The following RGS4 variants were observed in gnomAD, a reference collection of about 807,000 sequenced individuals.
RGS4 encodes regulator of G protein signaling 4, also known as schizophrenia disorder 9.
Under a neutral mutation model 21.6 loss-of-function variants are expected in RGS4, and 15 were observed. The ratio of observed to expected loss-of-function variants is 0.69; its 90% CI spans 0.46 to 1.07. The LOEUF (loss-of-function observed/expected upper bound fraction) is 1.07. Ranked by LOEUF, RGS4 falls within the 50% of genes least tolerant of loss-of-function variation. The pLI, the probability that RGS4 is intolerant of heterozygous loss-of-function variation, is 0.00. For missense variants in RGS4, 237 were observed against 239.0 expected (o/e 0.99, Z 0.06); for synonymous variants, 94 against 85.5 (o/e 1.10, Z -0.55).
chr1:163,074,683 C>A lies in RGS4; in HGVS notation c.*123C>A. The A allele has an allele frequency of 1.4e-6, 2 of 1,395,346 alleles. No homozygotes were observed. The highest frequency in any genetic ancestry group is 2.0e-6 in the Non-Finnish European group (2 of 989,790). 86.4% of individuals were successfully genotyped at this position (1,395,346 alleles called of 1,614,324 possible). A position where few individuals can be genotyped will look rare whatever the true frequency, so the allele number is the denominator to read the frequency against. On this transcript the variant is annotated 3_prime_UTR_variant, in exon 5 of 5. Coordinates refer to ENST00000367909, the MANE Select transcript of RGS4 (RefSeq NM_005613.6). The stretch of plus-strand genomic sequence containing the variant: ...ACATTGTAGCCTAATATTCATGCTG[C>A]CTGCCATGTGTGAGTCACTTCTACG...
chr1:163,069,012 C>G (rs751078752), upstream of RGS4: 28 of 1,595,860 alleles, frequency 1.8e-5, no homozygotes, highest in East Asian at 6.3e-4. Flanking sequence ...AGAATTCCTG[C>G]TGGTACTTTT....
At chr1:163,073,042 T>C (rs1240168405) in intron 3 of RGS4, among the ~76,000 whole-genome samples, 176 bp downstream of exon 3, 2 of 152,154 alleles carry the variant, frequency 1.3e-5, no homozygotes, top group African/African-American at 4.8e-5. Context: ...CTTTGTGATA[T>C]ACAATGAAAA....
Position 163,074,659 on chromosome 1 carries a change from C to A in RGS4, c.*99C>A. On this transcript the variant is annotated 3_prime_UTR_variant, in exon 5 of 5. Coordinates refer to ENST00000367909, the MANE Select transcript of RGS4 (RefSeq NM_005613.6). The stretch of plus-strand genomic sequence containing the variant: ...GTATTAAGCTCCAGTGCTTTATCCA[C>A]ATTGTAGCCTAATATTCATGCTGCC... 6.6e-7 allele frequency: 1 copy of A among 1,525,274 alleles called. No homozygotes were observed. The highest frequency in any genetic ancestry group is 9.1e-7 in the Non-Finnish European group (1 of 1,102,348). The allele number at this position is 1,525,274 out of a possible 1,614,324, so 94.5% of individuals were successfully genotyped here. A position where few individuals can be genotyped will look rare whatever the true frequency, so the allele number is the denominator to read the frequency against.
Position 163,074,985 on chromosome 1 carries a change from A to C in RGS4, c.*425A>C, listed in dbSNP as rs1311353103. The stretch of plus-strand genomic sequence containing the variant: ...CTAGATGTTTAGATGAGGTTGAGCT[A>C]TGATATGTGCTTGTGTGTATGTCTA... On this transcript the variant is annotated 3_prime_UTR_variant, in exon 5 of 5. Coordinates refer to ENST00000367909, the MANE Select transcript of RGS4 (RefSeq NM_005613.6). 1 of 447,604 alleles carries C rather than the reference A, an allele frequency of 2.2e-6. No individual in the cohort carries two copies. The highest frequency in any genetic ancestry group is 2.0e-5 in the African/African-American group (1 of 50,820). 27.7% of individuals were successfully genotyped at this position (447,604 alleles called of 1,614,324 possible). A position where few individuals can be genotyped will look rare whatever the true frequency, so the allele number is the denominator to read the frequency against.
At position 163,074,595 on chromosome 1, in the gene RGS4, ACT is replaced by A. The variant is rs1655436547; in HGVS notation, c.*38_*39del. 3 of 1,613,506 alleles carry A rather than the reference ACT, an allele frequency of 1.9e-6. No individual in the cohort carries two copies. Among genetic ancestry groups the A allele is most frequent in the Non-Finnish European group, 2.5e-6 (3 of 1,179,820 alleles). ...GAAGGCAGAGGGATGAAATGCCAAG[ACT>A]CTATGCTCTGGAAAACCTGAGGCCA... On this transcript the variant is annotated 3_prime_UTR_variant, in exon 5 of 5. Coordinates refer to ENST00000367909, the MANE Select transcript of RGS4 (RefSeq NM_005613.6).
chr1:163,072,002 TC>T, intron 1 of RGS4: 4 of 989,822 alleles, frequency 4.0e-6, no homozygotes, highest in Non-Finnish European at 3.6e-6. Context: ...AGGATGTGCA[TC>T]TTTTGCCGCT....
At chr1:163,071,290 T>C (rs1028444328) in intron 1 of RGS4, among the ~76,000 whole-genome samples, 2 of 152,100 alleles carry the variant, frequency 1.3e-5, no homozygotes, top group African/African-American at 4.8e-5. Context: ...TCAGAGAACA[T>C]AATGGAATTC....
chr1:163,076,137 GC>G lies in RGS4; in HGVS notation c.*1580del, dbSNP rs2102346948. On this transcript the variant is annotated 3_prime_UTR_variant, in exon 5 of 5. Coordinates refer to ENST00000367909, the MANE Select transcript of RGS4 (RefSeq NM_005613.6). Reference sequence around the variant, plus strand: ...GATATCACCTGAATTATTAATGAATGCCCAGGAAGTAATTTTCTTCTCATTC... The same window carrying G: ...GATATCACCTGAATTATTAATGAATGCCAGGAAGTAATTTTCTTCTCATTC... The G allele has an allele frequency of 6.6e-6, 1 of 152,624 alleles. No homozygotes were observed. The highest frequency in any genetic ancestry group is 1.9e-4 in the East Asian group (1 of 5,178). 9.5% of individuals were successfully genotyped at this position (152,624 alleles called of 1,614,324 possible).
chr1:163,072,911 A>C (rs200700353), intron 3 of RGS4, 45 bp downstream of exon 3: 1 of 1,514,116 alleles, frequency 6.6e-7, no homozygotes, highest in East Asian at 2.3e-5. Context: ...GGATAAGACA[A>C]GTTATATTAT....
intron 3 of RGS4, 88 bp from the exon 4 acceptor site, chr1:163,073,368 C>A: frequency 9.3e-7 from 1 of 1,071,786 alleles, no homozygotes; most frequent in Non-Finnish European, 1.3e-6. Context: ...ATGCTTTATC[C>A]CCCAAGTACC....
chr1:163,073,017 T>A (rs920590611), intron 3 of RGS4, 151 bp downstream of exon 3: 3 of 627,174 alleles, frequency 4.8e-6, no homozygotes, highest in African/African-American at 1.8e-5. Flanking sequence ...TTTAAAATTT[T>A]AATATGCCCT....
Position 163,069,516 on chromosome 1 carries a change from C to G in RGS4, c.32C>G (p.Ser11Cys). The change falls in exon 1 of 5, where the codon TCT becomes TGT. Residue 11 changes from serine to cysteine, a missense_variant. Physicochemically the swap from Ser to Cys is moderately radical, Grantham distance 112. Coordinates refer to ENST00000367909, the MANE Select transcript of RGS4 (RefSeq NM_005613.6). MCKGLAGLPA[S>C]CLRSAKDMKH... Reference sequence around the variant, plus strand: ...AAAGGGCTTGCAGGTCTGCCGGCTTCTTGCTTGAGGAGGTAAGATTGCTTT... The same window carrying G: ...AAAGGGCTTGCAGGTCTGCCGGCTTGTTGCTTGAGGAGGTAAGATTGCTTT... 4.3e-6 allele frequency: 7 copies of G among 1,613,330 alleles called. No individual in the cohort carries two copies. Among genetic ancestry groups the G allele is most frequent in the Non-Finnish European group, 5.9e-6 (7 of 1,179,602 alleles).
chr1:163,069,351 G>A (rs780427687), upstream of RGS4: 3 of 1,555,816 alleles, frequency 1.9e-6, no homozygotes, highest in South Asian at 2.4e-5. Context: ...ACCCCTACAG[G>A]CTTAGCAGGA....
Position 163,076,486 on chromosome 1 carries a change from AT to A in RGS4, c.*1928del, listed in dbSNP as rs1655505795. 1 of 152,580 alleles carries A rather than the reference AT, an allele frequency of 6.6e-6. No individual in the cohort carries two copies. Among genetic ancestry groups the A allele is most frequent in the South Asian group, 2.1e-4 (1 of 4,830 alleles). 9.5% of individuals were successfully genotyped at this position (152,580 alleles called of 1,614,324 possible). On this transcript the variant is annotated 3_prime_UTR_variant, in exon 5 of 5. Transcript: ENST00000367909. The stretch of plus-strand genomic sequence containing the variant: ...TGTGTAACTTTATTGGTCTTGCCCT[AT>A]TATAATTGTCATGACTTTCAGATTG...
In RGS4 at chr1:163,074,316, C is replaced by T; in HGVS notation, c.379-5C>T. ...TCTAATGAAGCCTTGGCCTTTGCCCCTCAGGTGAACCTGGATTCTTGCACC... is the reference window on the plus strand; with the variant it reads ...TCTAATGAAGCCTTGGCCTTTGCCCTTCAGGTGAACCTGGATTCTTGCACC... On this transcript the variant is annotated splice_region_variant and splice_polypyrimidine_tract_variant and intron_variant, in intron 4 of 4. Coordinates refer to ENST00000367909, the MANE Select transcript of RGS4 (RefSeq NM_005613.6). 1 of 1,613,644 alleles carries T rather than the reference C, an allele frequency of 6.2e-7. No individual in the cohort carries two copies. Among genetic ancestry groups the T allele is most frequent in the South Asian group, 1.1e-5 (1 of 91,060 alleles).
At chr1:163,073,764 G>A (rs1338372449) in intron 4 of RGS4, 142 bp downstream of exon 4, 1 of 577,392 alleles carries the variant, frequency 1.7e-6, no homozygotes, top group African/African-American at 1.9e-5. Context: ...TCTACGTGTT[G>A]AGAACATTCC....
chr1:163,074,873 CAGTTTTACCT>C lies in RGS4; in HGVS notation c.*314_*323del, dbSNP rs1655446196. 23 of 597,490 alleles carry C rather than the reference CAGTTTTACCT, an allele frequency of 3.8e-5. No individual in the cohort carries two copies. The highest frequency in any genetic ancestry group is 1.8e-4 in the Admixed American group (6 of 33,822). 37.0% of individuals were successfully genotyped at this position (597,490 alleles called of 1,614,324 possible). On this transcript the variant is annotated 3_prime_UTR_variant, in exon 5 of 5. Coordinates refer to ENST00000367909, the MANE Select transcript of RGS4 (RefSeq NM_005613.6). ...ATTGTTGGCAGTTTCCTCCTCCCAA[CAGTTTTACCT>C]CGGGATGGTTGGTTAGTGCATGTCA...
chr1:163,069,248 T>TTCCCTCC, upstream of RGS4: 2 of 1,547,336 alleles, frequency 1.3e-6, no homozygotes, highest in Non-Finnish European at 8.7e-7. Context: ...CTCATCTCTT[T>TTCCCTCC]CAGGGGCTGG....
In RGS4 at chr1:163,073,501, A is replaced by G; in HGVS notation, c.257A>G (p.Glu86Gly). 1.2e-6 allele frequency: 2 copies of G among 1,605,540 alleles called. No individual in the cohort carries two copies. Among genetic ancestry groups the G allele is most frequent in the Non-Finnish European group, 1.7e-6 (2 of 1,177,544 alleles). The change falls in exon 4 of 5, where the codon GAG becomes GGG. Residue 86 changes from glutamate to glycine, a missense_variant. Coordinates refer to ENST00000367909, the MANE Select transcript of RGS4 (RefSeq NM_005613.6). The part of the protein sequence containing the change: ...FKAFLKSEYS[E>G]ENIDFWISCE... The stretch of plus-strand genomic sequence containing the variant: ...GCTTTCTTGAAGTCTGAATATAGTG[A>G]GGAGAATATTGACTTCTGGATCAGC...
Sources: allele counts gnomAD v4.1 joint callset (sites outside exome capture counted in the v4.1 genomes callset), GRCh38; gene constraint gnomAD v4.1.1; transcripts MANE v1.5; gene names NCBI Gene and HGNC (gene_info 2026-07-23, HGNC 2026-07-21).